Variants in AZI2 observed in about 807,000 individuals in gnomAD.
The protein encoded by AZI2 is 5-azacytidine induced 2.
In AZI2, 22 loss-of-function variants were observed where a neutral mutation model predicts 45.8. The observed-to-expected ratio is 0.48, with a 90% CI of 0.34 to 0.69. The LOEUF (loss-of-function observed/expected upper bound fraction) is 0.69, where lower values mean the gene tolerates loss of function less well. Among genes scored for constraint, AZI2 ranks in the 30% least tolerant of loss-of-function variants. The pLI is 0.01. For synonymous variants in AZI2, 137 were observed against 156.7 expected (o/e 0.87, Z 0.94); for missense variants, 417 against 441.5 (o/e 0.94, Z 0.50).
rs1159710308 is a variant in AZI2 at position 28,324,139 on chromosome 3, G to C, written c.1082C>G (p.Ala361Gly). 1 of 1,610,416 alleles carries C rather than the reference G, an allele frequency of 6.2e-7. No individual in the cohort carries two copies. Among genetic ancestry groups the C allele is most frequent in the Non-Finnish European group, 8.5e-7 (1 of 1,177,566 alleles). The change falls in exon 8 of 8, where the codon GCA becomes GGA. Residue 361 changes from alanine (A) to glycine (G), a missense_variant. Transcript: ENST00000479665. ...FPSPPKSSET[A>G]FGETKTKTLP... ...AGTTTTAGTTTTAGTTTCCCCAAAT[G>C]CTGTCTCACTTGATTTAGGAGGACT...
At chr3:28,345,454 T>C (rs1316021834) in intron 1 of AZI2, among the ~76,000 whole-genome samples, 1 of 152,164 alleles carries the variant, frequency 6.6e-6, no homozygotes, top group Non-Finnish European at 1.5e-5. Context: ...TATGTACTCA[T>C]GCAAACATTT....
At chr3:28,338,312 A>G (rs1221106102) in intron 3 of AZI2, among the ~76,000 whole-genome samples, 181 bp downstream of exon 3, 4 of 152,096 alleles carry the variant, frequency 2.6e-5, no homozygotes, top group South Asian at 4.1e-4. Flanking sequence ...ACATCATTAC[A>G]TACTAAATAT....
chr3:28,333,490 C>A (rs1428998314), intron 5 of AZI2, among the ~76,000 whole-genome samples: 1 of 151,438 alleles, frequency 6.6e-6, no homozygotes, highest in Non-Finnish European at 1.5e-5. Flanking sequence ...CTTTTAGTAT[C>A]CTTGTATCAT....
intron 5 of AZI2, among the ~76,000 whole-genome samples, chr3:28,335,902 T>C (rs1014087857): frequency 5.3e-5 from 8 of 152,050 alleles, no homozygotes; most frequent in African/African-American, 1.7e-4. Context: ...ATACCTTAGT[T>C]TGAGATACAT....
chr3:28,321,622 A>C lies in AZI2; in HGVS notation c.*2420T>G, dbSNP rs1415371076. 1 of 151,154 alleles carries C rather than the reference A, an allele frequency of 6.6e-6. No homozygotes were observed. Among genetic ancestry groups the C allele is most frequent in the East Asian group, 1.9e-4 (1 of 5,138 alleles). The allele number at this position is 151,154 out of a possible 1,614,324, so 9.4% of individuals were successfully genotyped here. On this transcript the variant is annotated 3_prime_UTR_variant, in exon 8 of 8. Transcript: ENST00000479665. ...ATATGTGGTAACCCACAGGTTTTTT[A>C]CCCCTTAAGATACACCTTCTCCAAG... is the stretch of plus-strand genomic sequence containing the variant.
intron 7 of AZI2, 137 bp from the exon 8 acceptor site, chr3:28,324,591 G>A (rs1703311860): frequency 1.5e-6 from 1 of 672,716 alleles, no homozygotes; most frequent in African/African-American, 1.8e-5. Context: ...TTGAGGCACT[G>A]TGACTAGGAG....
rs1703223917 is a variant in AZI2, at chr3:28,322,692, C to G, written c.*1350G>C. The G allele has an allele frequency of 6.6e-6, 1 of 151,422 alleles. No individual in the cohort carries two copies. Among genetic ancestry groups the G allele is most frequent in the Non-Finnish European group, 1.5e-5 (1 of 67,358 alleles). The allele number at this position is 151,422 out of a possible 1,614,324, so 9.4% of individuals were successfully genotyped here. A position where few individuals can be genotyped will look rare whatever the true frequency, so the allele number is the denominator to read the frequency against. On this transcript the variant is annotated 3_prime_UTR_variant, in exon 8 of 8. Transcript: ENST00000479665. The stretch of plus-strand genomic sequence containing the variant: ...CCCTGAGTCAGCTGTGTTCATTGGT[C>G]AGAATAAATTCCAGCATCTGACACC...
At chr3:28,334,927 T>C (rs1468530728) in intron 5 of AZI2, among the ~76,000 whole-genome samples, 1 of 151,918 alleles carries the variant, frequency 6.6e-6, no homozygotes, top group African/African-American at 2.4e-5. Context: ...ATGATAGTAA[T>C]GTTTGATCAG....
intron 1 of AZI2, among the ~76,000 whole-genome samples, chr3:28,346,082 T>C (rs1179464228): frequency 1.3e-5 from 2 of 152,106 alleles, no homozygotes; most frequent in African/African-American, 4.8e-5. Context: ...TGAACCTAAG[T>C]AAGCTGTCAG....
At chr3:28,326,690 G>T in intron 7 of AZI2, 142 bp downstream of exon 7, 1 of 753,690 alleles carries the variant, frequency 1.3e-6, no homozygotes, top group East Asian at 2.5e-5. Context: ...AGCCAAAGCA[G>T]AGAATGGGTA....
In AZI2 at chr3:28,338,552, G is replaced by T; in HGVS notation, c.280C>A (p.His94Asn). 6.2e-7 allele frequency: 1 copy of T among 1,609,648 alleles called. No individual in the cohort carries two copies. The highest frequency in any genetic ancestry group is 1.1e-5 in the South Asian group (1 of 90,322). ...TCAATGCAAACCTCTCGATATGCAT[G>T]ATAGGCCTTATTTACTTGTTCTCGT... Reference protein sequence around the residue: ...VGREQVNKAYHAYREVCIDRD... With the variant: ...VGREQVNKAYNAYREVCIDRD... The change falls in exon 3 of 8, where the codon CAT becomes AAT. Residue 94 changes from histidine to asparagine, a missense_variant. Physicochemically the swap from His to Asn is moderately conservative, Grantham distance 68. Coordinates refer to ENST00000479665, the MANE Select transcript of AZI2 (RefSeq NM_022461.5).
At chr3:28,336,501 C>A (rs1376579015) in intron 5 of AZI2, among the ~76,000 whole-genome samples, 2 of 151,836 alleles carry the variant, frequency 1.3e-5, no homozygotes, top group Non-Finnish European at 1.5e-5. Context: ...TACTAAAAAT[C>A]AACCTTTTAA....
chr3:28,346,289 A>G (rs1177806723), intron 1 of AZI2, among the ~76,000 whole-genome samples: 1 of 152,124 alleles, frequency 6.6e-6, no homozygotes, highest in Non-Finnish European at 1.5e-5. Flanking sequence ...TTTCCCACCT[A>G]TACAGAATGA....
In AZI2 at chr3:28,326,825, G is replaced by A. The variant is rs1165111201; in HGVS notation, c.766+7C>T. The A allele has an allele frequency of 6.3e-7, 1 of 1,591,238 alleles. No individual in the cohort carries two copies. On this transcript the variant is annotated splice_region_variant and intron_variant, in intron 7 of 7. Transcript: ENST00000479665. ...GAATCAGTGGTTTCCGGTAAACAGT[G>A]ACTTGCCTTTCTTGATTGCAGTTGA... is the stretch of plus-strand genomic sequence containing the variant.
At chr3:28,343,133 A>G (rs1000812479) in intron 1 of AZI2, among the ~76,000 whole-genome samples, 1 of 152,034 alleles carries the variant, frequency 6.6e-6, no homozygotes, top group African/African-American at 2.4e-5. Context: ...AATTATTATT[A>G]TACCATAAAG....
At position 28,322,537 on chromosome 3, in the gene AZI2, C is replaced by T. The variant is rs1703217939; in HGVS notation, c.*1505G>A. On this transcript the variant is annotated 3_prime_UTR_variant, in exon 8 of 8. Coordinates refer to ENST00000479665, the MANE Select transcript of AZI2 (RefSeq NM_022461.5). ...CAGATATAATATACAGCCTATGCAG[C>T]CACATGAGAAATAGTTTTTGCTGCT... 6.6e-6 allele frequency: 1 copy of T among 151,522 alleles called. No homozygotes were observed. The highest frequency in any genetic ancestry group is 1.5e-5 in the Non-Finnish European group (1 of 67,362). 9.4% of individuals were successfully genotyped at this position (151,522 alleles called of 1,614,324 possible).
At chr3:28,324,737 A>C in intron 7 of AZI2, 1 of 284,024 alleles carries the variant, frequency 3.5e-6, no homozygotes. Flanking sequence ...CAACTATGTC[A>C]TAGAGCTTTT....
At chr3:28,328,372 G>GT (rs1396841286) in intron 6 of AZI2, among the ~76,000 whole-genome samples, 1 of 151,100 alleles carries the variant, frequency 6.6e-6, no homozygotes, top group Non-Finnish European at 1.5e-5. Context: ...TTATATAGCA[G>GT]TAAGTGTAAA....
intron 2 of AZI2, among the ~76,000 whole-genome samples, chr3:28,338,921 T>G (rs1703905000): frequency 6.6e-6 from 1 of 152,188 alleles, no homozygotes; most frequent in Non-Finnish European, 1.5e-5. Flanking sequence ...CTTAGATGTT[T>G]TTTAAATTAA....
Sources: gnomAD v4.1 joint callset for allele counts (sites outside exome capture counted in the v4.1 genomes callset) on GRCh38, gnomAD v4.1.1 for gene constraint, MANE v1.5 for transcripts, NCBI Gene and HGNC (gene_info 2026-07-23, HGNC 2026-07-21) for gene names.